The following SLC12A7 variants were observed in gnomAD, a reference collection of about 807,000 sequenced individuals.
The protein encoded by SLC12A7 is K-Cl cotransporter 4.
In SLC12A7, 100 loss-of-function variants were observed where a neutral mutation model predicts 120.6. That is an observed-to-expected ratio of 0.83 (90% CI 0.71 to 0.98). The LOEUF (loss-of-function observed/expected upper bound fraction) is 0.98. Among genes scored for constraint, SLC12A7 ranks in the 50% least tolerant of loss-of-function variants. SLC12A7 has a pLI of 0.00. For synonymous variants in SLC12A7, 760 were observed against 678.0 expected (o/e 1.12, Z -1.88); for missense variants, 1,373 against 1,548.1 (o/e 0.89, Z 1.90).
chr5:1,064,156 T>A lies in SLC12A7; in HGVS notation c.2534A>T (p.His845Leu). 7 of 1,612,146 alleles carry A rather than the reference T, an allele frequency of 4.3e-6. No individual in the cohort carries two copies. The highest frequency in any genetic ancestry group is 5.9e-6 in the Non-Finnish European group (7 of 1,179,592). Residue 845 changes from histidine to leucine, a missense_variant, in exon 19 of 24, where the codon CAC (histidine) becomes CTC (leucine). Transcript: ENST00000264930. ...GTGCACGATCCACCACACGTCGATGTGGCCCCCGCCGAAGCGCTCCTGGTT... is the reference window on the plus strand; with the variant it reads ...GTGCACGATCCACCACACGTCGATGAGGCCCCCGCCGAAGCGCTCCTGGTT... ...PQNQERFGGG[H>L]IDVWWIVHDG...
At chr5:1,138,422 C>G in the SLC12A7 span, among the ~76,000 whole-genome samples, 3 of 152,228 alleles carry the variant, frequency 2.0e-5, no homozygotes, top group Admixed American at 6.5e-5. Flanking sequence ...TAGCTACACA[C>G]AGAGCTGCTC....
the SLC12A7 span, among the ~76,000 whole-genome samples, chr5:1,148,205 C>CTTTTTTTTTTTTTT: frequency 3.7e-5 from 4 of 107,640 alleles, no homozygotes; most frequent in Non-Finnish European, 7.2e-5. Context: ...TTCTTTCTTT[C>CTTTTTTTTTTTTTT]TTTTTTTTTT....
At chr5:1,094,053 T>A (rs1740838818) in intron 2 of SLC12A7, 101 bp downstream of exon 2, 2 of 854,528 alleles carry the variant, frequency 2.3e-6, no homozygotes, top group East Asian at 5.1e-5. Flanking sequence ...TGGTGTCCAG[T>A]CCTGTGGGAG....
At chr5:1,114,692 G>A (rs781269337), upstream of SLC12A7, among the ~76,000 whole-genome samples, 2 of 152,072 alleles carry the variant, frequency 1.3e-5, no homozygotes, top group Non-Finnish European at 2.9e-5. Context: ...AGGCCTCTGC[G>A]TCTCCTGGAA....
chr5:1,111,920 C>A lies in SLC12A7; in HGVS notation c.72G>T (p.Arg24=). 1 of 1,270,216 alleles carries A rather than the reference C, an allele frequency of 7.9e-7. No homozygotes were observed. The highest frequency in any genetic ancestry group is 9.9e-7 in the Non-Finnish European group (1 of 1,006,226). 78.7% of individuals were successfully genotyped at this position (1,270,216 alleles called of 1,614,324 possible). A position where few individuals can be genotyped will look rare whatever the true frequency, so the allele number is the denominator to read the frequency against. The change falls in exon 1 of 24, where the codon CGG becomes CGT. Residue 24 remains arginine, a synonymous_variant. Coordinates refer to ENST00000264930, the MANE Select transcript of SLC12A7 (RefSeq NM_006598.3). ...CCTCGGGGGTGCCCGGAGCCTCCGT[C>A]CGCTCGGCAGTCTCGTCCCCGCCGC... The part of the protein sequence containing the change: ...ADGGGDETAE[R]TEAPGTPEGP...
chr5:1,091,876 C>G (rs1056280303), intron 3 of SLC12A7, among the ~76,000 whole-genome samples: 1 of 152,260 alleles, frequency 6.6e-6, no homozygotes, highest in Non-Finnish European at 1.5e-5. Context: ...GCAGCGTCCA[C>G]GTGCAGCAGT....
the SLC12A7 span, among the ~76,000 whole-genome samples, chr5:1,129,673 G>A: frequency 0.34 from 51,649 of 151,898 alleles, 8,971 homozygotes; most frequent in South Asian, 0.39. Flanking sequence ...GATGAACACG[G>A]GAACACCTGG....
chr5:1,060,275 G>C, intron 21 of SLC12A7, 69 bp downstream of exon 21: 1 of 1,224,942 alleles, frequency 8.2e-7, no homozygotes, highest in South Asian at 1.2e-5. Context: ...GAGGGTCCCA[G>C]AAAAGACTCG....
the SLC12A7 span, among the ~76,000 whole-genome samples, chr5:1,150,730 G>C: frequency 6.6e-6 from 1 of 152,228 alleles, no homozygotes; most frequent in Admixed American, 6.5e-5. Flanking sequence ...CAGATAACTA[G>C]AGGCAGCTCA....
chr5:1,097,945 G>A lies in SLC12A7; in HGVS notation c.125-3697C>T, dbSNP rs1469940356. On this transcript the variant is annotated intron_variant, in intron 1 of 23. Coordinates refer to ENST00000264930, the MANE Select transcript of SLC12A7 (RefSeq NM_006598.3). ...TGCCCACTTGGGAGTGCCCACAAAC[G>A]TTTCTATCTGGTTAAAACAGCCAGG... Among the ~76,000 whole-genome samples the A allele has an allele frequency of 4.6e-5, 7 of 151,684 alleles. No individual in the cohort carries two copies. The East Asian group carries it at 9.7e-4, about 21-fold the overall frequency.
intron 1 of SLC12A7, among the ~76,000 whole-genome samples, chr5:1,098,860 G>A (rs1488181258): frequency 6.6e-6 from 1 of 151,270 alleles, no homozygotes; most frequent in Non-Finnish European, 1.5e-5. Flanking sequence ...CGGCAGTCCT[G>A]GCTGCTGTGA....
the SLC12A7 span, among the ~76,000 whole-genome samples, chr5:1,118,485 G>A: frequency 6.6e-6 from 1 of 152,224 alleles, no homozygotes; most frequent in Non-Finnish European, 1.5e-5. Flanking sequence ...GCAGCGCCAG[G>A]GATTCTCCAA....
At chr5:1,066,038 G>A (rs941640613) in intron 17 of SLC12A7, among the ~76,000 whole-genome samples, 3 of 152,118 alleles carry the variant, frequency 2.0e-5, no homozygotes, top group Non-Finnish European at 4.4e-5. Flanking sequence ...GGAACGGCTT[G>A]ACTCCATGGG....
At chr5:1,106,541 C>T (rs955619009) in intron 1 of SLC12A7, among the ~76,000 whole-genome samples, 4 of 152,114 alleles carry the variant, frequency 2.6e-5, no homozygotes, top group East Asian at 1.9e-4. Context: ...GCCTCACAGA[C>T]GCCATCCATC....
At chr5:1,061,372 A>T (rs866596452) in intron 20 of SLC12A7, among the ~76,000 whole-genome samples, 10 of 23,710 alleles carry the variant, frequency 4.2e-4, no homozygotes, top group African/African-American at 1.3e-3. Context: ...GGGATCCCTG[A>T]GTCTCACCCG....
At chr5:1,141,820 G>A in the SLC12A7 span, among the ~76,000 whole-genome samples, 12 of 152,252 alleles carry the variant, frequency 7.9e-5, no homozygotes, top group Admixed American at 2.0e-4. Flanking sequence ...AGGGTTCGCC[G>A]GGACAGATCA....
chr5:1,052,267 T>C lies in SLC12A7; in HGVS notation c.*93A>G. The C allele has an allele frequency of 9.4e-7, 1 of 1,059,150 alleles. No homozygotes were observed. Among genetic ancestry groups the C allele is most frequent in the Non-Finnish European group, 1.5e-6 (1 of 680,372 alleles). The allele number at this position is 1,059,150 out of a possible 1,614,324, so 65.6% of individuals were successfully genotyped here. A position where few individuals can be genotyped will look rare whatever the true frequency, so the allele number is the denominator to read the frequency against. On this transcript the variant is annotated 3_prime_UTR_variant, in exon 24 of 24. Transcript: ENST00000264930. ...GGGCGGCATCACTGGGGGACAGGTG[T>C]GTCTGCCGTCTGTTTCCCTGGGCCA...
chr5:1,065,385 G>A lies in SLC12A7; in HGVS notation c.2335C>T (p.Gln779Ter). Residue 779 changes from glutamine to a stop codon, truncating the protein, a stop_gained, in exon 18 of 24, where the codon CAG (glutamine) becomes TAG (stop). Transcript: ENST00000264930. LOFTEE classifies it high-confidence loss of function. ...TTCAGGCCGCCCAGGCCGGCCGACT[G>A]GATCAGGTGGGACATGCCATCCCGC... ...SLRDGMSHLI[Q>*]SAGLGGLKHN... The A allele has an allele frequency of 6.2e-7, 1 of 1,612,718 alleles. No individual in the cohort carries two copies. The highest frequency in any genetic ancestry group is 2.2e-5 in the East Asian group (1 of 44,872).
chr5:1,091,049 G>A (rs999928459), intron 3 of SLC12A7, among the ~76,000 whole-genome samples: 5 of 152,168 alleles, frequency 3.3e-5, no homozygotes, highest in South Asian at 4.1e-4. Flanking sequence ...ACCCGCCACC[G>A]TCAAACAACA....
Sources: gnomAD v4.1 joint callset for allele counts (sites outside exome capture counted in the v4.1 genomes callset) on GRCh38, gnomAD v4.1.1 for gene constraint, MANE v1.5 for transcripts, NCBI Gene and HGNC (gene_info 2026-07-23, HGNC 2026-07-21) for gene names.